Variants in HIVEP1 observed in about 807,000 individuals in gnomAD.
The protein encoded by HIVEP1 is zinc finger protein 40.
Under a neutral mutation model 180.0 loss-of-function variants are expected in HIVEP1, and 36 were observed. The ratio of observed to expected loss-of-function variants is 0.20; its 90% CI spans 0.15 to 0.26. HIVEP1 has a LOEUF of 0.26. HIVEP1 is among the 10% of genes least tolerant of loss of function. The probability of loss-of-function intolerance (pLI) is 1.00; values close to 1 mark genes in which losing one functional copy is unlikely to be tolerated. For synonymous variants in HIVEP1, 1,239 were observed against 1,239.0 expected, an observed-to-expected ratio of 1.00 and a Z score of 0.00; for missense variants, 3,143 against 3,268.7, an observed-to-expected ratio of 0.96 and a Z score of 0.94.
intron 2 of HIVEP1, among the ~76,000 whole-genome samples, chr6:12,040,019 C>T (rs1017059060): frequency 1.3e-5 from 2 of 151,954 alleles, no homozygotes; most frequent in Admixed American, 6.6e-5. Flanking sequence ...GCTGGGCGGT[C>T]GAGGGGAAAT....
At chr6:12,112,097 G>A (rs914315918) in intron 3 of HIVEP1, among the ~76,000 whole-genome samples, 1 of 152,086 alleles carries the variant, frequency 6.6e-6, no homozygotes, top group African/African-American at 2.4e-5. Flanking sequence ...TGAAGACAAC[G>A]AATTCTCTCA....
At chr6:12,116,073 C>A (rs1775196928) in intron 3 of HIVEP1, among the ~76,000 whole-genome samples, 1 of 151,972 alleles carries the variant, frequency 6.6e-6, no homozygotes, top group Non-Finnish European at 1.5e-5. Context: ...TTTATTTCTG[C>A]TTTGAAGCAC....
intron 4 of HIVEP1, among the ~76,000 whole-genome samples, chr6:12,127,069 C>T (rs1448833380): frequency 6.6e-6 from 1 of 152,004 alleles, no homozygotes; most frequent in Non-Finnish European, 1.5e-5. Context: ...CTGGTTTGGC[C>T]AAGCTGGTCT....
intron 7 of HIVEP1, among the ~76,000 whole-genome samples, chr6:12,160,098 C>G (rs1760305441): frequency 6.6e-6 from 1 of 152,188 alleles, no homozygotes; most frequent in South Asian, 2.1e-4. Context: ...TGTACATTGT[C>G]TAATGTCATC....
chr6:12,039,018 T>G (rs1466861130), intron 2 of HIVEP1: 1 of 152,178 alleles, frequency 6.6e-6, no homozygotes, highest in Non-Finnish European at 1.5e-5. Context: ...TTGTTACCCC[T>G]TTGGTCCTTA....
intron 3 of HIVEP1, 97 bp downstream of exon 3, chr6:12,089,334 C>A: frequency 1.5e-6 from 1 of 653,518 alleles, no homozygotes; most frequent in Non-Finnish European, 2.6e-6. Flanking sequence ...TCAGTATAGA[C>A]ATATCACAAA....
rs754988498 is a variant in HIVEP1, at chr6:12,164,344, T to A, written c.8040T>A (p.Thr2680=). Residue 2680 remains threonine, a synonymous_variant, in exon 9 of 9, where the codon ACT becomes ACA. Transcript: ENST00000379388. ...EVFTKPSGQQ[T]LSPDRQVPRP... Reference sequence around the variant, plus strand: ...TTACAAAGCCCTCAGGCCAGCAGACTCTCTCTCCAGACAGACAGGTTCCCA... The same window carrying A: ...TTACAAAGCCCTCAGGCCAGCAGACACTCTCTCCAGACAGACAGGTTCCCA... 4 of 1,613,964 alleles carry A rather than the reference T, an allele frequency of 2.5e-6. No homozygotes were observed. The highest frequency in any genetic ancestry group is 2.2e-5 in the South Asian group (2 of 91,080).
At chr6:12,017,998 C>T (rs1004488286) in intron 2 of HIVEP1, among the ~76,000 whole-genome samples, 1 of 152,214 alleles carries the variant, frequency 6.6e-6, no homozygotes, top group African/African-American at 2.4e-5. Flanking sequence ...GAGGCTGGGG[C>T]CGTGCAGGAG....
chr6:12,161,739 C>A lies in HIVEP1; in HGVS notation c.6788C>A (p.Ala2263Glu). The change falls in exon 8 of 9, where the codon GCA (alanine) becomes GAA (glutamate). Residue 2263 changes from alanine (A) to glutamate (E), a missense_variant. Physicochemically the swap from Ala to Glu is moderately radical, Grantham distance 107. Transcript: ENST00000379388. Reference sequence around the variant, plus strand: ...ACCAGAATGACTGTCCTGAGCACAGCACAGTCTGACTACAATAGGAAGACA... The same window carrying A: ...ACCAGAATGACTGTCCTGAGCACAGAACAGTCTGACTACAATAGGAAGACA... ...LLTRMTVLST[A>E]QSDYNRKTLS... The A allele has an allele frequency of 1.2e-6, 2 of 1,613,964 alleles. No individual in the cohort carries two copies. The highest frequency in any genetic ancestry group is 1.7e-6 in the Non-Finnish European group (2 of 1,179,812).
At chr6:12,024,240 T>C (rs1187473463) in intron 2 of HIVEP1, among the ~76,000 whole-genome samples, 7 of 148,444 alleles carry the variant, frequency 4.7e-5, no homozygotes, top group Non-Finnish European at 1.0e-4. Context: ...TACAGTTGCA[T>C]TGATTTTGAT....
chr6:12,176,417 A>C, the HIVEP1 span, among the ~76,000 whole-genome samples: 26,714 of 151,684 alleles, frequency 0.18, 2,391 homozygotes, highest in Middle Eastern at 0.31. Context: ...TTTTTAGTAG[A>C]GATGGAGTTT....
At chr6:12,201,784 G>A in the HIVEP1 span, among the ~76,000 whole-genome samples, 8 of 152,154 alleles carry the variant, frequency 5.3e-5, no homozygotes, top group South Asian at 2.1e-4. Context: ...TAACTCTTAT[G>A]TATATCCAAT....
chr6:12,087,689 G>A (rs1773197168), intron 2 of HIVEP1, among the ~76,000 whole-genome samples: 1 of 151,978 alleles, frequency 6.6e-6, no homozygotes, highest in Admixed American at 6.6e-5. Context: ...ATATTTTTCT[G>A]TCTGAAGCAA....
intron 4 of HIVEP1, among the ~76,000 whole-genome samples, chr6:12,126,242 TTCC>T (rs1347587949): frequency 6.6e-6 from 1 of 152,240 alleles, no homozygotes; most frequent in Non-Finnish European, 1.5e-5. Context: ...TTATGCTTTG[TTCC>T]TCCTCATGCA....
the HIVEP1 span, among the ~76,000 whole-genome samples, chr6:12,207,324 C>A: frequency 6.6e-6 from 1 of 152,132 alleles, no homozygotes; most frequent in Non-Finnish European, 1.5e-5. Context: ...TTGTCAGGAA[C>A]CATCTTTATT....
intron 6 of HIVEP1, among the ~76,000 whole-genome samples, chr6:12,135,258 C>T (rs1448770610): frequency 6.6e-6 from 1 of 152,150 alleles, no homozygotes; most frequent in Non-Finnish European, 1.5e-5. Context: ...TTGTCTGAAG[C>T]CAATGAAACT....
chr6:12,050,255 G>A (rs1305306416), intron 2 of HIVEP1, among the ~76,000 whole-genome samples: 1 of 152,164 alleles, frequency 6.6e-6, no homozygotes, highest in Non-Finnish European at 1.5e-5. Context: ...TGTGAATAAC[G>A]AGAGTTCATG....
chr6:12,150,811 A>G (rs1338286351), intron 7 of HIVEP1, among the ~76,000 whole-genome samples: 2 of 152,094 alleles, frequency 1.3e-5, no homozygotes, highest in Non-Finnish European at 2.9e-5. Flanking sequence ...TTGTATTCAC[A>G]TTCTTTAAAA....
the HIVEP1 span, among the ~76,000 whole-genome samples, chr6:12,189,269 G>A: frequency 2.0e-5 from 3 of 151,766 alleles, no homozygotes; most frequent in African/African-American, 4.8e-5. Context: ...TTAATAATAT[G>A]AGAGTTAAAA....
Sources: allele counts gnomAD v4.1 joint callset (sites outside exome capture counted in the v4.1 genomes callset), GRCh38; gene constraint gnomAD v4.1.1; transcripts MANE v1.5; gene names NCBI Gene and HGNC (gene_info 2026-07-23, HGNC 2026-07-21).